LYSMD2: variants seen among roughly 807,000 people sequenced by gnomAD.
The protein encoded by LYSMD2 is LysM domain containing 2.
A neutral mutation model predicts 17.7 loss-of-function variants in LYSMD2; 6 were observed. The observed-to-expected ratio is 0.34, with a 90% confidence interval of 0.19 to 0.67. The LOEUF (loss-of-function observed/expected upper bound fraction) is 0.67, where lower values mean the gene tolerates loss of function less well. Among genes scored for constraint, LYSMD2 ranks in the 30% least tolerant of loss-of-function variants. The probability of loss-of-function intolerance (pLI) is 0.69; values close to 1 mark genes in which losing one functional copy is unlikely to be tolerated. For missense variants in LYSMD2, 237 were observed against 286.7 expected, an observed-to-expected ratio of 0.83 and a Z score of 1.25; for synonymous variants, 102 against 129.8, an observed-to-expected ratio of 0.79 and a Z score of 1.45.
chr15:51,750,264 T>G (rs774775380), intron 1 of LYSMD2, among the ~76,000 whole-genome samples: 1 of 152,186 alleles, frequency 6.6e-6, no homozygotes, highest in Non-Finnish European at 1.5e-5. Context: ...AAAAATCAAA[T>G]GAGAACACAA....
In LYSMD2 at chr15:51,737,186, G is replaced by A. The variant is rs1012358762; in HGVS notation, c.273+164C>T. The stretch of plus-strand genomic sequence containing the variant: ...CGGTGGCCAGCAGCGCGCGCTGAGC[G>A]AGCCCTGGGAGCCGAGCCGCCCGGG... On this transcript the variant is annotated intron_variant, in intron 1 of 2. Transcript: ENST00000267838. The surrounding 1 kb of genome is among the most constrained non-coding windows in gnomAD (Gnocchi z 4.2). 2.6e-5 allele frequency among the ~76,000 whole-genome samples: 4 copies of A among 152,156 alleles called. No individual in the cohort carries two copies. Among genetic ancestry groups the A allele is most frequent in the African/African-American group, 9.6e-5 (4 of 41,458 alleles).
rs1387941939 is a variant in LYSMD2, at chr15:51,737,606, G to A, written c.17C>T (p.Pro6Leu). 8.3e-7 allele frequency: 1 copy of A among 1,210,912 alleles called. No individual in the cohort carries two copies. The highest frequency in any genetic ancestry group is 1.0e-6 in the Non-Finnish European group (1 of 975,418). 75.0% of individuals were successfully genotyped at this position (1,210,912 alleles called of 1,614,324 possible). Residue 6 changes from proline to leucine, a missense_variant, in exon 1 of 3, where the codon CCC becomes CTC. By Grantham distance (98) the Pro-to-Leu change is moderately conservative (BLOSUM62 -3). Transcript: ENST00000267838. This position sits in a 1 kb window ranked among gnomAD's most constrained non-coding sequence, Gnocchi z 4.2. Reference protein sequence around the residue: MADSSPALSLREGGPR... With the variant: MADSSLALSLREGGPR... ...GCCGCCTTCCCGCAGGGACAGTGCGGGCGAGGAATCCGCCATGGGTCCTGC... is the reference window on the plus strand; with the variant it reads ...GCCGCCTTCCCGCAGGGACAGTGCGAGCGAGGAATCCGCCATGGGTCCTGC...
At position 51,737,525 on chromosome 15, in the gene LYSMD2, G is replaced by A; in HGVS notation, c.98C>T (p.Ser33Phe). Residue 33 changes from serine to phenylalanine, a missense_variant, in exon 1 of 3, where the codon TCC becomes TTC. By Grantham distance (155) the Ser-to-Phe change is radical (BLOSUM62 -2). Coordinates refer to ENST00000267838, the MANE Select transcript of LYSMD2 (RefSeq NM_153374.3). The surrounding 1 kb of genome is among the most constrained non-coding windows in gnomAD (Gnocchi z 4.2). ...PSPPPRSRSG[S>F]ESEEAELSLS... ...CGACAGCTCGGCCTCCTCGGACTCG[G>A]AGCCGGAGCGCGAGCGCGGCGGCGG... The A allele has an allele frequency of 8.0e-7, 1 of 1,244,252 alleles. No individual in the cohort carries two copies. The highest frequency in any genetic ancestry group is 3.3e-5 in the East Asian group (1 of 30,730). The allele number at this position is 1,244,252 out of a possible 1,614,324, so 77.1% of individuals were successfully genotyped here.
At chr15:51,735,538 T>C (rs1293466266) in intron 1 of LYSMD2, among the ~76,000 whole-genome samples, 1 of 152,240 alleles carries the variant, frequency 6.6e-6, no homozygotes, top group African/African-American at 2.4e-5. Context: ...AACCCTGTAA[T>C]GAACTATGTG....
In LYSMD2 at chr15:51,723,602, A is replaced by T; in HGVS notation, c.*5T>A. The T allele has an allele frequency of 6.2e-7, 1 of 1,605,954 alleles. No individual in the cohort carries two copies. The highest frequency in any genetic ancestry group is 2.2e-5 in the East Asian group (1 of 44,500). Reference sequence around the variant, plus strand: ...ATTTTGGTTAGAGTTATGCCCCCAAATCACCTAACTGTGATAGAGGGAAGT... The same window carrying T: ...ATTTTGGTTAGAGTTATGCCCCCAATTCACCTAACTGTGATAGAGGGAAGT... On this transcript the variant is annotated 3_prime_UTR_variant, in exon 3 of 3. Coordinates refer to ENST00000267838, the MANE Select transcript of LYSMD2 (RefSeq NM_153374.3).
At chr15:51,728,144 T>C (rs1270270877) in intron 1 of LYSMD2, among the ~76,000 whole-genome samples, 1 of 152,078 alleles carries the variant, frequency 6.6e-6, no homozygotes, top group Non-Finnish European at 1.5e-5. Flanking sequence ...TAGAACAACA[T>C]ATGGGCTGGG....
chr15:51,735,570 G>C (rs2064609813), intron 1 of LYSMD2, among the ~76,000 whole-genome samples: 1 of 152,122 alleles, frequency 6.6e-6, no homozygotes, highest in Non-Finnish European at 1.5e-5. Flanking sequence ...TATAGTTCCT[G>C]ATTCATTATC....
intron 1 of LYSMD2, among the ~76,000 whole-genome samples, chr15:51,746,795 C>A (rs2055669696): frequency 6.6e-6 from 1 of 152,030 alleles, no homozygotes; most frequent in African/African-American, 2.4e-5. Flanking sequence ...GATATTATTT[C>A]TTCTGTAAAT....
chr15:51,729,051 G>C (rs2055559292), intron 1 of LYSMD2, among the ~76,000 whole-genome samples: 1 of 152,246 alleles, frequency 6.6e-6, no homozygotes, highest in Non-Finnish European at 1.5e-5. Context: ...CTATGGCTTA[G>C]GCCAAATGCA....
chr15:51,737,358 C>T lies in LYSMD2; in HGVS notation c.265G>A (p.Gly89Ser). Residue 89 changes from glycine (G) to serine (S), a missense_variant, in exon 1 of 3, where the codon GGT becomes AGT. Coordinates refer to ENST00000267838, the MANE Select transcript of LYSMD2 (RefSeq NM_153374.3). This position sits in a 1 kb window ranked among gnomAD's most constrained non-coding sequence, Gnocchi z 4.2. Reference protein sequence around the residue: ...DTLQGIALKYGVTMEQIKRAN... With the variant: ...DTLQGIALKYSVTMEQIKRAN... ...CGGCGCGCCCTGCTCACCGTGACACCGTACTTGAGCGCGATGCCCTGCAGC... is the reference window on the plus strand; with the variant it reads ...CGGCGCGCCCTGCTCACCGTGACACTGTACTTGAGCGCGATGCCCTGCAGC... 1 of 1,443,972 alleles carries T rather than the reference C, an allele frequency of 6.9e-7. No individual in the cohort carries two copies. Among genetic ancestry groups the T allele is most frequent in the South Asian group, 1.3e-5 (1 of 74,326 alleles). The allele number at this position is 1,443,972 out of a possible 1,614,324, so 89.4% of individuals were successfully genotyped here.
intron 1 of LYSMD2, among the ~76,000 whole-genome samples, chr15:51,731,282 C>T (rs1028935710): frequency 4.6e-5 from 7 of 152,142 alleles, no homozygotes; most frequent in African/African-American, 1.2e-4. Context: ...ACAAACACCC[C>T]GAATGACTAA....
intron 1 of LYSMD2, among the ~76,000 whole-genome samples, chr15:51,743,078 A>AT (rs1411308267): frequency 1.3e-5 from 2 of 152,070 alleles, no homozygotes; most frequent in East Asian, 3.8e-4. Flanking sequence ...ATTCTATGTT[A>AT]TTTTCTGGAA....
chr15:51,749,216 A>C (rs1175909607), intron 1 of LYSMD2, among the ~76,000 whole-genome samples: 1 of 152,238 alleles, frequency 6.6e-6, no homozygotes, highest in African/African-American at 2.4e-5. Context: ...TTAAGATAAG[A>C]CATAGGCAAT....
At chr15:51,745,922 A>G (rs1444563374) in intron 1 of LYSMD2, among the ~76,000 whole-genome samples, 1 of 152,242 alleles carries the variant, frequency 6.6e-6, no homozygotes, top group Non-Finnish European at 1.5e-5. Context: ...CATATTAACT[A>G]GGATGGCTAT....
chr15:51,743,021 T>G (rs1156820793), intron 1 of LYSMD2, among the ~76,000 whole-genome samples: 2 of 152,258 alleles, frequency 1.3e-5, no homozygotes, highest in Non-Finnish European at 2.9e-5. Context: ...CTATTTTGTC[T>G]TTCATGGATC....
chr15:51,737,646 C>G lies in LYSMD2; in HGVS notation c.-24G>C. 1 of 1,203,854 alleles carries G rather than the reference C, an allele frequency of 8.3e-7. No homozygotes were observed. Among genetic ancestry groups the G allele is most frequent in the Non-Finnish European group, 1.0e-6 (1 of 970,144 alleles). The allele number at this position is 1,203,854 out of a possible 1,614,324, so 74.6% of individuals were successfully genotyped here. On this transcript the variant is annotated 5_prime_UTR_variant, in exon 1 of 3. Coordinates refer to ENST00000267838, the MANE Select transcript of LYSMD2 (RefSeq NM_153374.3). This position sits in a 1 kb window ranked among gnomAD's most constrained non-coding sequence, Gnocchi z 4.2. ...ATGGGTCCTGCCGAGGCCGCCGGGT[C>G]GGGGAGCTTGCCAAGGGGGCGGCGC...
chr15:51,748,651 C>T (rs2055681156), intron 1 of LYSMD2, among the ~76,000 whole-genome samples: 1 of 152,162 alleles, frequency 6.6e-6, no homozygotes, highest in African/African-American at 2.4e-5. Flanking sequence ...GACTCAACAA[C>T]AATATGGCCG....
At chr15:51,734,576 C>A (rs2055596903) in intron 1 of LYSMD2, among the ~76,000 whole-genome samples, 1 of 152,180 alleles carries the variant, frequency 6.6e-6, no homozygotes, top group South Asian at 2.1e-4. Flanking sequence ...GAGGAGTTGC[C>A]ATGGAGAGAC....
At chr15:51,736,782 C>T (rs1342159775) in intron 1 of LYSMD2, among the ~76,000 whole-genome samples, 1 of 152,160 alleles carries the variant, frequency 6.6e-6, no homozygotes, top group Non-Finnish European at 1.5e-5. Flanking sequence ...TGCTGCTTAG[C>T]GACAGGTGTC....
Sources: allele counts gnomAD v4.1 joint callset (sites outside exome capture counted in the v4.1 genomes callset), GRCh38; gene constraint gnomAD v4.1.1; non-coding constraint Gnocchi (gnomAD v3.1); transcripts MANE v1.5; gene names NCBI Gene and HGNC (gene_info 2026-07-23, HGNC 2026-07-21).